CNTNAP2: variants seen among roughly 807,000 people sequenced by gnomAD.
CNTNAP2 encodes contactin-associated protein-like 2.
A neutral mutation model predicts 155.2 loss-of-function variants in CNTNAP2; 98 were observed. The ratio of observed to expected loss-of-function variants is 0.63; its 90% CI spans 0.54 to 0.75. The LOEUF is 0.75. Ranked by LOEUF, CNTNAP2 falls within the 30% of genes least tolerant of loss-of-function variation. CNTNAP2 has a pLI of 0.00. For synonymous variants in CNTNAP2, 651 were observed against 631.2 expected (o/e 1.03, Z -0.47); for missense variants, 1,727 against 1,688.1 (o/e 1.02, Z -0.40).
intron 9 of CNTNAP2, among the ~76,000 whole-genome samples, chr7:147,341,505 A>G (rs1368270201): frequency 6.6e-6 from 1 of 152,076 alleles, no homozygotes; most frequent in Non-Finnish European, 1.5e-5. Flanking sequence ...TTAAAAATGG[A>G]ATTGTCTGAG....
intron 17 of CNTNAP2, among the ~76,000 whole-genome samples, chr7:148,152,670 A>G (rs905974998): frequency 2.0e-5 from 3 of 152,170 alleles, no homozygotes; most frequent in Non-Finnish European, 4.4e-5. Flanking sequence ...GGCAGTTTCA[A>G]TCTTCCAGCC....
chr7:146,130,935 C>G (rs1457075970), intron 1 of CNTNAP2, among the ~76,000 whole-genome samples: 1 of 152,178 alleles, frequency 6.6e-6, no homozygotes, highest in East Asian at 1.9e-4. Flanking sequence ...GGGGAACCAT[C>G]CCTATGATCC....
chr7:146,379,678 T>G (rs1381346309), intron 1 of CNTNAP2, among the ~76,000 whole-genome samples: 1 of 152,204 alleles, frequency 6.6e-6, no homozygotes, highest in Admixed American at 6.5e-5. Context: ...CATTACATTC[T>G]CACCAAAGAA....
chr7:146,226,159 G>C (rs1562997110), intron 1 of CNTNAP2, among the ~76,000 whole-genome samples: 1 of 152,136 alleles, frequency 6.6e-6, no homozygotes, highest in Non-Finnish European at 1.5e-5. Flanking sequence ...CTCAGATTCT[G>C]CCTCGGCCCT....
intron 14 of CNTNAP2, among the ~76,000 whole-genome samples, chr7:147,909,657 C>G (rs573932525): frequency 6.6e-6 from 1 of 152,322 alleles, no homozygotes; most frequent in South Asian, 2.1e-4. Context: ...GAGTCTTGGT[C>G]TCAGCTAAGT....
intron 3 of CNTNAP2, among the ~76,000 whole-genome samples, chr7:147,008,773 A>G (rs1798571079): frequency 6.6e-6 from 1 of 152,114 alleles, no homozygotes; most frequent in Non-Finnish European, 1.5e-5. Flanking sequence ...ATGGTAGATA[A>G]AGCCTAGTTC....
chr7:147,083,894 A>G (rs1355468411), intron 4 of CNTNAP2, among the ~76,000 whole-genome samples: 2 of 140,420 alleles, frequency 1.4e-5, no homozygotes, highest in African/African-American at 2.6e-5. Flanking sequence ...ATACACATGT[A>G]TGTATATATT....
At chr7:147,540,917 G>A (rs1365533387) in intron 11 of CNTNAP2, among the ~76,000 whole-genome samples, 1 of 152,162 alleles carries the variant, frequency 6.6e-6, no homozygotes, top group African/African-American at 2.4e-5. Context: ...TCCAGTGATT[G>A]ATGTAGGTAA....
intron 19 of CNTNAP2, among the ~76,000 whole-genome samples, chr7:148,221,556 TACA>T (rs756359164): frequency 1.3e-5 from 2 of 152,234 alleles, no homozygotes; most frequent in East Asian, 1.9e-4. Context: ...AGACTTCAAA[TACA>T]ACATGTTTTT....
intron 4 of CNTNAP2, among the ~76,000 whole-genome samples, chr7:147,093,087 A>G (rs1334367041): frequency 6.6e-6 from 1 of 150,770 alleles, no homozygotes; most frequent in Non-Finnish European, 1.5e-5. Flanking sequence ...ATATATATAT[A>G]TATATTAGCC....
rs1797601510 is a variant in CNTNAP2, at chr7:147,439,298, T to C, written c.1670+43518T>C. Among the ~76,000 whole-genome samples the C allele has an allele frequency of 2.0e-5, 3 of 152,154 alleles. No homozygotes were observed. The South Asian group carries it at 6.2e-4, about 32-fold the overall frequency. On this transcript the variant is annotated intron_variant, in intron 10 of 23. Coordinates refer to ENST00000361727, the MANE Select transcript of CNTNAP2 (RefSeq NM_014141.6). ...TTGGTATGTTGTGTTTCCATCATCA[T>C]TTGCTTCAGAAAAATTCCAATTTTC...
At chr7:147,371,847 C>T (rs1489621877) in intron 9 of CNTNAP2, among the ~76,000 whole-genome samples, 2 of 151,918 alleles carry the variant, frequency 1.3e-5, no homozygotes, top group Non-Finnish European at 2.9e-5. Context: ...AAAATATAGT[C>T]ATATATATTA....
At chr7:146,762,561 T>G (rs1412837987) in intron 1 of CNTNAP2, among the ~76,000 whole-genome samples, 1 of 152,210 alleles carries the variant, frequency 6.6e-6, no homozygotes, top group African/African-American at 2.4e-5. Context: ...ATCGTGCCAG[T>G]ACACTCCAGC....
intron 1 of CNTNAP2, among the ~76,000 whole-genome samples, chr7:146,202,040 G>C (rs1798870581): frequency 6.6e-6 from 1 of 152,108 alleles, no homozygotes. Flanking sequence ...ATGGTGGTGA[G>C]TGAGATTCTC....
intron 1 of CNTNAP2, among the ~76,000 whole-genome samples, chr7:146,265,445 T>C (rs1013556678): frequency 7.7e-5 from 11 of 142,508 alleles, no homozygotes; most frequent in Non-Finnish European, 1.5e-4. Flanking sequence ...TTTTCTTTTT[T>C]TTTCTTTCTT....
chr7:146,961,355 T>G (rs930371471), intron 3 of CNTNAP2, among the ~76,000 whole-genome samples: 1 of 152,176 alleles, frequency 6.6e-6, no homozygotes, highest in Non-Finnish European at 1.5e-5. Context: ...ATAACGCTGG[T>G]CAGGGTCTTG....
At chr7:146,401,089 C>T (rs1472798060) in intron 1 of CNTNAP2, among the ~76,000 whole-genome samples, 2 of 152,178 alleles carry the variant, frequency 1.3e-5, no homozygotes, top group African/African-American at 4.8e-5. Context: ...AAGAACAAAA[C>T]AGCACTATTT....
rs146220562 is a variant in CNTNAP2, at chr7:147,504,650, C to T, written c.1777+18609C>T. On this transcript the variant is annotated intron_variant, in intron 11 of 23. Transcript: ENST00000361727. ...GTTGCAGTGACCCGAGATTGCACCACGGCTTGGGGTCCTGGGCGACAGAAT... is the reference window on the plus strand; with the variant it reads ...GTTGCAGTGACCCGAGATTGCACCATGGCTTGGGGTCCTGGGCGACAGAAT... Among the ~76,000 whole-genome samples, 133 of 148,710 alleles carry T rather than the reference C, an allele frequency of 8.9e-4. 4 individuals carry two copies. In the East Asian group the frequency reaches 0.016, roughly 18 times the overall value.
chr7:147,816,511 G>A (rs1194322242), intron 13 of CNTNAP2, among the ~76,000 whole-genome samples: 1 of 152,104 alleles, frequency 6.6e-6, no homozygotes, highest in African/African-American at 2.4e-5. Flanking sequence ...AATTATTCTG[G>A]AAACCTGGAT....
Sources: gnomAD v4.1 joint callset for allele counts (sites outside exome capture counted in the v4.1 genomes callset) on GRCh38, gnomAD v4.1.1 for gene constraint, MANE v1.5 for transcripts, NCBI Gene and HGNC (gene_info 2026-07-23, HGNC 2026-07-21) for gene names.